Variants in RANBP3L observed in about 807,000 individuals in gnomAD.
The protein encoded by RANBP3L is RAN binding protein 3 like.
RANBP3L carries 56 observed loss-of-function variants against 67.2 expected under a neutral mutation model. The observed-to-expected ratio is 0.83, with a 90% CI of 0.67 to 1.04. The LOEUF (loss-of-function observed/expected upper bound fraction) is 1.04. Among genes scored for constraint, RANBP3L ranks in the 50% least tolerant of loss-of-function variants. The probability of loss-of-function intolerance (pLI) is 0.00; values close to 1 mark genes in which losing one functional copy is unlikely to be tolerated. For synonymous variants in RANBP3L, 164 were observed against 181.4 expected (o/e 0.90, Z 0.77); for missense variants, 496 against 535.5 (o/e 0.93, Z 0.73).
intron 6 of RANBP3L, 110 bp downstream of exon 6, chr5:36,264,849 A>T (rs912446240): frequency 9.4e-6 from 9 of 953,006 alleles, no homozygotes; most frequent in Middle Eastern, 2.2e-4. Flanking sequence ...CTAGCCCAAC[A>T]ACAAAACAAA....
chr5:36,263,779 G>A (rs890919553), intron 6 of RANBP3L, among the ~76,000 whole-genome samples: 1 of 152,100 alleles, frequency 6.6e-6, no homozygotes, highest in African/African-American at 2.4e-5. Context: ...CACTCATCTC[G>A]GCCTCCCGAA....
At chr5:36,260,670 A>G (rs763529751) in intron 8 of RANBP3L, 110 bp downstream of exon 8, 14 of 587,880 alleles carry the variant, frequency 2.4e-5, no homozygotes, top group Non-Finnish European at 3.9e-5. Context: ...GTTTGAACTC[A>G]GGAGTTAAAA....
intron 1 of RANBP3L, among the ~76,000 whole-genome samples, chr5:36,288,399 TTGTTCACA>T (rs987747054): frequency 6.6e-6 from 1 of 152,188 alleles, no homozygotes; most frequent in African/African-American, 2.4e-5. Flanking sequence ...CAGTTTTGGG[TTGTTCACA>T]TGTTGGGGCT....
intron 1 of RANBP3L, among the ~76,000 whole-genome samples, chr5:36,301,005 C>G (rs149309780): frequency 2.0e-5 from 3 of 152,292 alleles, no homozygotes; most frequent in African/African-American, 7.2e-5. Context: ...TAAAGCTACT[C>G]TCAGCTGAAA....
rs561914087 is a variant in RANBP3L at position 36,272,113 on chromosome 5, T to C, written c.92-802A>G. 4.9e-5 allele frequency among the ~76,000 whole-genome samples: 7 copies of C among 144,206 alleles called. No individual in the cohort carries two copies. In the South Asian group the frequency reaches 1.7e-3, roughly 35 times the overall value. The allele number at this position is 144,206 out of a possible 152,430, so 94.6% of individuals were successfully genotyped here. ...TTTGGGAAACAATGTATCTTTACCT[T>C]AGTTTCCTCATCTGAAAAAAAAAAA... On this transcript the variant is annotated intron_variant, in intron 1 of 13. Coordinates refer to ENST00000296604, the MANE Select transcript of RANBP3L (RefSeq NM_145000.5).
In RANBP3L at chr5:36,248,105, A is replaced by C. The variant is rs1748385130; in HGVS notation, c.*1549T>G. On this transcript the variant is annotated 3_prime_UTR_variant, in exon 14 of 14. Transcript: ENST00000296604. ...AGAGTCACTCTTCTTGATTTTAAAA[A>C]AGAGTATTTCTGTTGTCCATTCTTT... Among the ~76,000 whole-genome samples, 1 of 152,326 alleles carries C rather than the reference A, an allele frequency of 6.6e-6. No individual in the cohort carries two copies. The highest frequency in any genetic ancestry group is 1.9e-4 in the East Asian group (1 of 5,192).
At chr5:36,265,698 C>G (rs1249024819) in intron 4 of RANBP3L, among the ~76,000 whole-genome samples, 178 bp from the exon 5 acceptor site, 1 of 152,160 alleles carries the variant, frequency 6.6e-6, no homozygotes, top group Non-Finnish European at 1.5e-5. Context: ...GCCAGCCAGG[C>G]GCGGTGGCTC....
intron 8 of RANBP3L, among the ~76,000 whole-genome samples, chr5:36,257,814 G>A (rs1165859631): frequency 6.6e-6 from 1 of 151,298 alleles, no homozygotes; most frequent in African/African-American, 2.4e-5. Context: ...GGAGGCAATG[G>A]GAAAGGTCTA....
chr5:36,270,764 C>T (rs1204590107), intron 2 of RANBP3L, among the ~76,000 whole-genome samples: 1 of 151,776 alleles, frequency 6.6e-6, no homozygotes, highest in African/African-American at 2.4e-5. Flanking sequence ...TCGAAACATG[C>T]GGGGATTACA....
intron 1 of RANBP3L, among the ~76,000 whole-genome samples, chr5:36,278,903 G>A (rs1000130597): frequency 6.6e-6 from 1 of 152,080 alleles, no homozygotes; most frequent in African/African-American, 2.4e-5. Context: ...TTTTGGAAAA[G>A]GTCACCGGTT....
At chr5:36,251,056 G>A (rs1239757194) in intron 13 of RANBP3L, among the ~76,000 whole-genome samples, 1 of 152,082 alleles carries the variant, frequency 6.6e-6, no homozygotes, top group Non-Finnish European at 1.5e-5. Context: ...TTTCAGGGTA[G>A]CAATGTAATA....
Position 36,264,856 on chromosome 5 carries a change from C to G in RANBP3L, c.480+103G>C, listed in dbSNP as rs939933569. 3 of 1,018,628 alleles carry G rather than the reference C, an allele frequency of 2.9e-6. No homozygotes were observed. The African/African-American group carries it at 4.8e-5, about 16-fold the overall frequency. 63.1% of individuals were successfully genotyped at this position (1,018,628 alleles called of 1,614,324 possible). Reference sequence around the variant, plus strand: ...TATGCTATCTAGCCCAACAACAAAACAAAGCTCAGACAACTCCTATTTCTG... The same window carrying G: ...TATGCTATCTAGCCCAACAACAAAAGAAAGCTCAGACAACTCCTATTTCTG... On this transcript the variant is annotated intron_variant, in intron 6 of 13. Coordinates refer to ENST00000296604, the MANE Select transcript of RANBP3L (RefSeq NM_145000.5).
chr5:36,263,982 T>G (rs1749574475), intron 6 of RANBP3L, among the ~76,000 whole-genome samples: 1 of 152,266 alleles, frequency 6.6e-6, no homozygotes, highest in Non-Finnish European at 1.5e-5. Context: ...AATGATTTTT[T>G]AAATTCATAA....
chr5:36,296,026 T>C (rs1330256897), intron 1 of RANBP3L, among the ~76,000 whole-genome samples: 3 of 152,156 alleles, frequency 2.0e-5, no homozygotes, highest in Admixed American at 2.0e-4. Flanking sequence ...TCAGGGGAGC[T>C]TCCTGATACT....
intron 5 of RANBP3L, 31 bp from the exon 6 acceptor site, chr5:36,265,129 A>G (rs753347408): frequency 7.3e-7 from 1 of 1,370,940 alleles, no homozygotes; most frequent in Non-Finnish European, 1.0e-6. Context: ...GGATAAATAT[A>G]TGTTTACTGA....
intron 1 of RANBP3L, among the ~76,000 whole-genome samples, chr5:36,299,677 C>A (rs1752484029): frequency 6.6e-6 from 1 of 151,844 alleles, no homozygotes; most frequent in African/African-American, 2.4e-5. Context: ...TAGGTGCAGT[C>A]CAGTGTTAAT....
At position 36,301,396 on chromosome 5, in the gene RANBP3L, T is replaced by A. The variant is rs748154461; in HGVS notation, c.21A>T (p.Lys7Asn). The A allele has an allele frequency of 6.2e-7, 1 of 1,613,476 alleles. No individual in the cohort carries two copies. The highest frequency in any genetic ancestry group is 1.7e-5 in the Admixed American group (1 of 60,002). MTTIPR[K>N]GSSHLPGSLH... The stretch of plus-strand genomic sequence containing the variant: ...AACTGCCAGGCAGGTGGCTGCTGCC[T>A]TTTCTTGGTATGGTAGTCATGGTCC... Residue 7 changes from lysine (K) to asparagine (N), a missense_variant, in exon 1 of 14, where the codon AAA becomes AAT. Coordinates refer to ENST00000296604, the MANE Select transcript of RANBP3L (RefSeq NM_145000.5).
At chr5:36,292,834 T>TGCA (rs1751901046) in intron 1 of RANBP3L, among the ~76,000 whole-genome samples, 1 of 152,230 alleles carries the variant, frequency 6.6e-6, no homozygotes, top group Admixed American at 6.5e-5. Context: ...TCAGGTAGCG[T>TGCA]GATGCCTGCA....
At chr5:36,256,882 G>T in intron 10 of RANBP3L, 59 bp downstream of exon 10, 1 of 1,488,966 alleles carries the variant, frequency 6.7e-7, no homozygotes, top group Non-Finnish European at 9.2e-7. Flanking sequence ...CTCTTCTCAT[G>T]TTAACTTTAT....
Sources: allele counts gnomAD v4.1 joint callset (sites outside exome capture counted in the v4.1 genomes callset), GRCh38; gene constraint gnomAD v4.1.1; transcripts MANE v1.5; gene names NCBI Gene and HGNC (gene_info 2026-07-23, HGNC 2026-07-21).